RSF1: variants seen among roughly 807,000 people sequenced by gnomAD.
RSF1 encodes remodeling and spacing factor 1, also known as HBV pX-associated protein 8.
Under a neutral mutation model 145.2 loss-of-function variants are expected in RSF1, and 13 were observed. That is an observed-to-expected ratio of 0.09 (90% CI 0.06 to 0.14). RSF1 has a LOEUF of 0.14. RSF1 is among the 10% of genes least tolerant of loss of function. RSF1 has a pLI of 1.00. For missense variants in RSF1, 1,517 were observed against 1,718.2 expected (o/e 0.88, Z 2.07); for synonymous variants, 577 against 592.6 (o/e 0.97, Z 0.38).
At chr11:77,820,792 A>C (rs949556453), upstream of RSF1, 1 of 1,427,238 alleles carries the variant, frequency 7.0e-7, no homozygotes. Flanking sequence ...AGGCAACCTT[A>C]CAGACGACAG....
chr11:77,670,246 C>T (rs962500145), intron 15 of RSF1, among the ~76,000 whole-genome samples: 9 of 152,210 alleles, frequency 5.9e-5, no homozygotes, highest in African/African-American at 2.2e-4. Context: ...CTCCAACAAC[C>T]CTGCACTCCC....
At chr11:77,774,703 GATCACCT>G in intron 1 of RSF1, among the ~76,000 whole-genome samples, 1 of 151,666 alleles carries the variant, frequency 6.6e-6, no homozygotes, top group African/African-American at 2.4e-5. Context: ...GAGGCAGGCA[GATCACCT>G]GAGGTCAGGA....
At chr11:77,748,789 T>G (rs573745990) in intron 2 of RSF1, among the ~76,000 whole-genome samples, 183 of 152,316 alleles carry the variant, frequency 1.2e-3, no homozygotes, top group Admixed American at 2.0e-3. Flanking sequence ...AGCTACCATA[T>G]GACTTAGCCA....
At chr11:77,712,629 A>G (rs1422761923) in intron 5 of RSF1, among the ~76,000 whole-genome samples, 2 of 152,226 alleles carry the variant, frequency 1.3e-5, no homozygotes, top group Non-Finnish European at 2.9e-5. Context: ...TTTAGTATCT[A>G]TCAGGGATCT....
At position 77,705,852 on chromosome 11, in the gene RSF1, C is replaced by CA. The variant is rs914880272; in HGVS notation, c.734-3358dup. Among the ~76,000 whole-genome samples, 26 of 149,812 alleles carry CA rather than the reference C, an allele frequency of 1.7e-4. No individual in the cohort carries two copies. In the East Asian group the frequency reaches 4.1e-3, roughly 24 times the overall value. On this transcript the variant is annotated intron_variant, in intron 5 of 15. Coordinates refer to ENST00000308488, the MANE Select transcript of RSF1 (RefSeq NM_016578.4). ...GGTGCGACAAAGCAAGACCCTGTCT[C>CA]AAAAAAAAACCAAAAAAACAAAAAA...
chr11:77,672,057 T>C lies in RSF1; in HGVS notation c.3736A>G (p.Ser1246Gly). ...TATGCCTTACCTTCACTCTCTGAGC[T>C]GGAAAGTCTTCGCTTGTGTACTCGC... ...IRRVHKRRLS[S>G]SESEESYLSK... Residue 1246 changes from serine to glycine, a missense_variant, in exon 15 of 16, where the codon AGC (serine) becomes GGC (glycine). Ser to Gly is a moderately conservative substitution (Grantham distance 56, BLOSUM62 0). Coordinates refer to ENST00000308488, the MANE Select transcript of RSF1 (RefSeq NM_016578.4). 2 of 1,611,624 alleles carry C rather than the reference T, an allele frequency of 1.2e-6. No individual in the cohort carries two copies. The highest frequency in any genetic ancestry group is 1.7e-6 in the Non-Finnish European group (2 of 1,179,488).
At chr11:77,802,656 G>A (rs1436136929) in intron 1 of RSF1, among the ~76,000 whole-genome samples, 1 of 152,094 alleles carries the variant, frequency 6.6e-6, no homozygotes, top group Non-Finnish European at 1.5e-5. Flanking sequence ...CGATTCTCCT[G>A]CCTCAGCCTC....
chr11:77,764,483 A>G, intron 2 of RSF1, 115 bp downstream of exon 2: 1 of 651,864 alleles, frequency 1.5e-6, no homozygotes, highest in Non-Finnish European at 2.6e-6. Flanking sequence ...TTTTGGAGCC[A>G]TAGTCTTACT....
chr11:77,786,569 C>T (rs542309691), intron 1 of RSF1, among the ~76,000 whole-genome samples: 2 of 151,972 alleles, frequency 1.3e-5, no homozygotes, highest in Non-Finnish European at 2.9e-5. Context: ...AAGTTTTAGT[C>T]ACAAGGTTTA....
chr11:77,775,423 A>T (rs1014931174), intron 1 of RSF1, among the ~76,000 whole-genome samples: 9 of 152,210 alleles, frequency 5.9e-5, no homozygotes, highest in Admixed American at 5.9e-4. Context: ...TGATATCACT[A>T]ACCGAAGAGG....
At chr11:77,839,120 G>A in the RSF1 span, among the ~76,000 whole-genome samples, 2 of 152,106 alleles carry the variant, frequency 1.3e-5, no homozygotes, top group Admixed American at 1.3e-4. Flanking sequence ...CAATTACTCA[G>A]ATACAGTTTC....
At chr11:77,832,506 A>G in the RSF1 span, among the ~76,000 whole-genome samples, 1 of 152,016 alleles carries the variant, frequency 6.6e-6, no homozygotes, top group African/African-American at 2.4e-5. Flanking sequence ...TTGTATTTTT[A>G]GCAGAGGCAG....
Position 77,783,133 on chromosome 11 carries a change from A to G in RSF1, c.188-18444T>C, listed in dbSNP as rs540457129. On this transcript the variant is annotated intron_variant, in intron 1 of 15. Coordinates refer to ENST00000308488, the MANE Select transcript of RSF1 (RefSeq NM_016578.4). ...TTTAACTCAATACAGTCTACTATTAAATAATATTCTACCACCTCACATACA... is the reference window on the plus strand; with the variant it reads ...TTTAACTCAATACAGTCTACTATTAGATAATATTCTACCACCTCACATACA... Among the ~76,000 whole-genome samples the G allele has an allele frequency of 4.6e-5, 7 of 152,306 alleles. No homozygotes were observed. The East Asian group carries it at 1.2e-3, about 25-fold the overall frequency.
intron 1 of RSF1, among the ~76,000 whole-genome samples, chr11:77,817,200 G>C (rs1444831471): frequency 2.6e-5 from 4 of 152,170 alleles, no homozygotes; most frequent in African/African-American, 9.7e-5. Context: ...TAAGTAGTCA[G>C]TAGCCATGTG....
intron 5 of RSF1, 190 bp from the exon 6 acceptor site, chr11:77,702,685 C>A: frequency 2.5e-6 from 1 of 396,118 alleles, no homozygotes; most frequent in East Asian, 3.8e-5. Flanking sequence ...GATACAACTT[C>A]TAGATATTAA....
the RSF1 span, chr11:77,841,063 G>T: frequency 1.6e-6 from 1 of 625,618 alleles, no homozygotes; most frequent in South Asian, 1.8e-5. Flanking sequence ...CGCATCTGGT[G>T]AGAGCCTTCT....
At chr11:77,836,287 G>A in the RSF1 span, among the ~76,000 whole-genome samples, 3 of 152,254 alleles carry the variant, frequency 2.0e-5, no homozygotes, top group East Asian at 5.8e-4. Context: ...ACTGTAGTTA[G>A]AGATAGGGTC....
chr11:77,701,494 G>T lies in RSF1; in HGVS notation c.1735C>A (p.Pro579Thr). 6.2e-7 allele frequency: 1 copy of T among 1,613,928 alleles called. No homozygotes were observed. Among genetic ancestry groups the T allele is most frequent in the Non-Finnish European group, 8.5e-7 (1 of 1,179,950 alleles). The change falls in exon 6 of 16, where the codon CCA becomes ACA. Residue 579 changes from proline to threonine, a missense_variant. Coordinates refer to ENST00000308488, the MANE Select transcript of RSF1 (RefSeq NM_016578.4). ...KSPKTKKDKR[P>T]PILECLEKLE... Reference sequence around the variant, plus strand: ...TTTTCAAGACATTCTAGGATTGGTGGGCGCTTATCCTTCTTAGTTTTGGGA... The same window carrying T: ...TTTTCAAGACATTCTAGGATTGGTGTGCGCTTATCCTTCTTAGTTTTGGGA...
At chr11:77,828,713 A>C in the RSF1 span, among the ~76,000 whole-genome samples, 2 of 152,200 alleles carry the variant, frequency 1.3e-5, no homozygotes, top group East Asian at 3.9e-4. Flanking sequence ...ACATTGTTCA[A>C]GGAAATTTTA....
Sources: allele counts gnomAD v4.1 joint callset (sites outside exome capture counted in the v4.1 genomes callset), GRCh38; gene constraint gnomAD v4.1.1; transcripts MANE v1.5; gene names NCBI Gene and HGNC (gene_info 2026-07-23, HGNC 2026-07-21).